Variants in PLEKHA7 observed in about 807,000 individuals in gnomAD.
The protein encoded by PLEKHA7 is pleckstrin homology domain-containing family A member 7.
In PLEKHA7, 104 loss-of-function variants were observed where a neutral mutation model predicts 170.0. The observed-to-expected ratio is 0.61, with a 90% CI of 0.52 to 0.72. The LOEUF (loss-of-function observed/expected upper bound fraction) is 0.72. Among genes scored for constraint, PLEKHA7 ranks in the 30% least tolerant of loss-of-function variants. The pLI, the probability that PLEKHA7 is intolerant of heterozygous loss-of-function variation, is 0.00. For synonymous variants in PLEKHA7, 648 were observed against 660.8 expected (o/e 0.98, Z 0.30); for missense variants, 1,615 against 1,671.7 (o/e 0.97, Z 0.59).
At chr11:17,004,165 G>A (rs4757483) in intron 3 of PLEKHA7, among the ~76,000 whole-genome samples, 87,772 of 151,988 alleles carry the variant, frequency 0.58, 25,877 homozygotes, top group East Asian at 0.81. Context: ...TGAGGGTAAA[G>A]TCTCAATTAA....
At chr11:16,986,846 T>C (rs923492602) in intron 3 of PLEKHA7, among the ~76,000 whole-genome samples, 3 of 152,214 alleles carry the variant, frequency 2.0e-5, no homozygotes, top group African/African-American at 7.2e-5. Flanking sequence ...ACCTACTATA[T>C]GATCTTCCTT....
At chr11:16,846,175 C>T (rs1228492894) in intron 8 of PLEKHA7, among the ~76,000 whole-genome samples, 1 of 152,106 alleles carries the variant, frequency 6.6e-6, no homozygotes, top group Admixed American at 6.5e-5. Flanking sequence ...GCCCCAGCTA[C>T]TCAAGAGGCT....
chr11:16,831,197 G>C (rs1452660577), intron 9 of PLEKHA7, among the ~76,000 whole-genome samples: 1 of 152,096 alleles, frequency 6.6e-6, no homozygotes, highest in African/African-American at 2.4e-5. Context: ...TGTGGCTGCA[G>C]GTAAGAAAGG....
chr11:16,903,106 T>C (rs976549680), intron 3 of PLEKHA7, among the ~76,000 whole-genome samples: 2 of 152,240 alleles, frequency 1.3e-5, no homozygotes, highest in African/African-American at 4.8e-5. Flanking sequence ...AGCCTACTCC[T>C]GCACCCTTCC....
At chr11:16,823,780 A>G (rs1019086214) in intron 10 of PLEKHA7, among the ~76,000 whole-genome samples, 3 of 152,220 alleles carry the variant, frequency 2.0e-5, no homozygotes, top group Non-Finnish European at 4.4e-5. Context: ...GTAACCGTCC[A>G]GTTGCTCAAG....
At chr11:16,946,123 G>A (rs887729243) in intron 3 of PLEKHA7, among the ~76,000 whole-genome samples, 1 of 152,160 alleles carries the variant, frequency 6.6e-6, no homozygotes, top group African/African-American at 2.4e-5. Flanking sequence ...CTGCTGTGGC[G>A]CCACCCATGA....
Position 16,816,957 on chromosome 11 carries a change from G to A in PLEKHA7, c.1709C>T (p.Pro570Leu). The change falls in exon 11 of 27, where the codon CCC becomes CTC. Residue 570 changes from proline to leucine, a missense_variant. By Grantham distance (98) the Pro-to-Leu change is moderately conservative. Coordinates refer to ENST00000531066, the MANE Select transcript of PLEKHA7 (RefSeq NM_001329630.2). The stretch of plus-strand genomic sequence containing the variant: ...GGGTCCTGGGGGAGGGATGTCCGAG[G>A]GAGATGGAGGCACAGAGATGGAGCG... ...VPRSISVPPS[P>L]SDIPPPGPPR... 6 of 1,611,976 alleles carry A rather than the reference G, an allele frequency of 3.7e-6. No individual in the cohort carries two copies. The highest frequency in any genetic ancestry group is 4.2e-6 in the Non-Finnish European group (5 of 1,178,864).
chr11:17,002,691 C>T (rs183047154), intron 3 of PLEKHA7, among the ~76,000 whole-genome samples: 12 of 152,290 alleles, frequency 7.9e-5, no homozygotes, highest in Admixed American at 3.9e-4. Context: ...ACACCTGTGA[C>T]GTGAGACGTG....
chr11:16,908,409 A>G (rs1858008442), intron 3 of PLEKHA7, among the ~76,000 whole-genome samples: 1 of 152,120 alleles, frequency 6.6e-6, no homozygotes. Flanking sequence ...GGCAGCCTTC[A>G]AGCCAAAGAG....
chr11:16,821,167 C>T (rs1426055788), intron 10 of PLEKHA7, among the ~76,000 whole-genome samples: 1 of 152,178 alleles, frequency 6.6e-6, no homozygotes, highest in Non-Finnish European at 1.5e-5. Context: ...GATGCAATAT[C>T]ATTTTTTGCA....
intron 3 of PLEKHA7, among the ~76,000 whole-genome samples, chr11:16,992,688 G>A (rs553014248): frequency 3.3e-4 from 50 of 151,772 alleles, no homozygotes; most frequent in Admixed American, 1.2e-3. Flanking sequence ...CCCAGGAGGC[G>A]GAGGTTGTGG....
rs562093994 is a variant in PLEKHA7 at position 16,922,822 on chromosome 11, A to T, written c.222-51640T>A. 5.9e-5 allele frequency among the ~76,000 whole-genome samples: 9 copies of T among 152,274 alleles called. No individual in the cohort carries two copies. The South Asian group carries it at 1.9e-3, about 32-fold the overall frequency. ...AGGGAAGAGAGAAGACAAGCTAAGG[A>T]GCTGGTGCAGAGGAGAGACAGGCTG... On this transcript the variant is annotated intron_variant, in intron 3 of 26. Transcript: ENST00000531066.
At chr11:16,907,962 A>G (rs1402638079) in intron 3 of PLEKHA7, among the ~76,000 whole-genome samples, 1 of 148,960 alleles carries the variant, frequency 6.7e-6, no homozygotes, top group African/African-American at 2.5e-5. Flanking sequence ...CTGTGACCTT[A>G]CCCCCAACCC....
chr11:16,798,616 G>C (rs981074927), intron 17 of PLEKHA7, among the ~76,000 whole-genome samples: 3 of 152,218 alleles, frequency 2.0e-5, no homozygotes, highest in Non-Finnish European at 4.4e-5. Flanking sequence ...ATGCCATTTA[G>C]TAGACTAGTA....
chr11:16,906,613 T>C (rs1285203854), intron 3 of PLEKHA7, among the ~76,000 whole-genome samples: 1 of 138,766 alleles, frequency 7.2e-6, no homozygotes, highest in Non-Finnish European at 1.5e-5. Flanking sequence ...GGAGTCGCGT[T>C]CACTCACTCA....
chr11:16,789,998 T>G lies in PLEKHA7; in HGVS notation c.3053-120A>C, dbSNP rs191596634. Reference sequence around the variant, plus strand: ...CACCCAGTCAATGACCCACCCTTATTTCTCTTCTTCCTCCCCAGGGCATGG... The same window carrying G: ...CACCCAGTCAATGACCCACCCTTATGTCTCTTCTTCCTCCCCAGGGCATGG... On this transcript the variant is annotated intron_variant, in intron 21 of 26. Transcript: ENST00000531066. The surrounding 1 kb of genome is among the most constrained non-coding windows in gnomAD (Gnocchi z 4.6). 2 of 864,210 alleles carry G rather than the reference T, an allele frequency of 2.3e-6. No individual in the cohort carries two copies. Among genetic ancestry groups the G allele is most frequent in the Admixed American group, 4.2e-5 (2 of 47,078 alleles). 53.5% of individuals were successfully genotyped at this position (864,210 alleles called of 1,614,324 possible). A position where few individuals can be genotyped will look rare whatever the true frequency, so the allele number is the denominator to read the frequency against.
intron 3 of PLEKHA7, among the ~76,000 whole-genome samples, chr11:16,960,036 C>A (rs995954800): frequency 6.6e-6 from 1 of 152,228 alleles, no homozygotes; most frequent in African/African-American, 2.4e-5. Flanking sequence ...CAACCTCACT[C>A]CTGTGCCCTC....
At chr11:16,901,244 T>C (rs534672369) in intron 3 of PLEKHA7, among the ~76,000 whole-genome samples, 2 of 152,124 alleles carry the variant, frequency 1.3e-5, no homozygotes, top group African/African-American at 4.8e-5. Flanking sequence ...TAGAGAAAAA[T>C]GGAAAAAAGC....
intron 10 of PLEKHA7, among the ~76,000 whole-genome samples, chr11:16,818,281 C>T (rs1040857043): frequency 6.6e-6 from 1 of 152,230 alleles, no homozygotes; most frequent in African/African-American, 2.4e-5. Flanking sequence ...TATTACCTGC[C>T]TCATAAGGCT....
Sources: gnomAD v4.1 joint callset for allele counts (sites outside exome capture counted in the v4.1 genomes callset) on GRCh38, gnomAD v4.1.1 for gene constraint, Gnocchi (gnomAD v3.1) non-coding constraint, MANE v1.5 for transcripts, NCBI Gene and HGNC (gene_info 2026-07-23, HGNC 2026-07-21) for gene names.